CCDC170: variants seen among roughly 807,000 people sequenced by gnomAD.
CCDC170 encodes the protein coiled-coil domain-containing protein 170.
Under a neutral mutation model 72.6 loss-of-function variants are expected in CCDC170, and 69 were observed. That is an observed-to-expected ratio of 0.95 (90% CI 0.78 to 1.16). The LOEUF is 1.16. CCDC170 is among the 50% of genes most tolerant of loss of function. The pLI is 0.00. For synonymous variants in CCDC170, 300 were observed against 303.9 expected, an observed-to-expected ratio of 0.99 and a Z score of 0.13; for missense variants, 852 against 832.5, an observed-to-expected ratio of 1.02 and a Z score of -0.29.
intron 6 of CCDC170, among the ~76,000 whole-genome samples, chr6:151,585,630 A>C (rs1173129767): frequency 6.6e-6 from 1 of 152,364 alleles, no homozygotes; most frequent in East Asian, 1.9e-4. Context: ...TGTTATCCAT[A>C]AATTTTTATT....
intron 5 of CCDC170, among the ~76,000 whole-genome samples, chr6:151,571,732 G>GAA (rs5880932): frequency 1.3e-5 from 2 of 151,236 alleles, no homozygotes; most frequent in East Asian, 3.9e-4. Flanking sequence ...CGTCCCGGGA[G>GAA]AAAAAAAAAT....
At chr6:151,508,888 G>C (rs1583002279) in intron 1 of CCDC170, among the ~76,000 whole-genome samples, 1 of 151,714 alleles carries the variant, frequency 6.6e-6, no homozygotes, top group South Asian at 2.1e-4. Context: ...GGTGGCGAAC[G>C]CCTGTAATCC....
chr6:151,577,533 A>G (rs1329412233), intron 6 of CCDC170, among the ~76,000 whole-genome samples: 2 of 152,156 alleles, frequency 1.3e-5, no homozygotes, highest in Non-Finnish European at 2.9e-5. Context: ...CTTCACCTCT[A>G]TCTGGACATT....
chr6:151,553,732 A>G (rs538445328), intron 5 of CCDC170, among the ~76,000 whole-genome samples: 1 of 142,662 alleles, frequency 7.0e-6, no homozygotes, highest in African/African-American at 2.7e-5. Flanking sequence ...TAAAAATTGT[A>G]AAAAAAAAAA....
At chr6:151,509,917 G>A (rs2115024616) in intron 1 of CCDC170, among the ~76,000 whole-genome samples, 1 of 152,290 alleles carries the variant, frequency 6.6e-6, no homozygotes, top group Non-Finnish European at 1.5e-5. Flanking sequence ...AAGGTCAGGA[G>A]TTCCAGACCA....
chr6:151,567,129 G>A (rs1453569469), intron 5 of CCDC170, among the ~76,000 whole-genome samples: 2 of 152,100 alleles, frequency 1.3e-5, no homozygotes, highest in African/African-American at 4.8e-5. Context: ...ATGTTGGTCA[G>A]GCTGATCTTG....
intron 2 of CCDC170, 33 bp from the exon 3 acceptor site, chr6:151,538,012 T>G (rs1256714641): frequency 5.7e-6 from 2 of 350,108 alleles, no homozygotes; most frequent in Non-Finnish European, 8.2e-6. Flanking sequence ...GTTGTTAAGG[T>G]TTTTTTTTTT....
At chr6:151,614,644 T>TG (rs1477972455) in intron 9 of CCDC170, among the ~76,000 whole-genome samples, 5 of 151,434 alleles carry the variant, frequency 3.3e-5, no homozygotes, top group Non-Finnish European at 7.4e-5. Flanking sequence ...TTTTTTTTTT[T>TG]TTGTTAGTAG....
chr6:151,600,105 A>C (rs1338408448), intron 9 of CCDC170, among the ~76,000 whole-genome samples: 1 of 152,224 alleles, frequency 6.6e-6, no homozygotes, highest in Non-Finnish European at 1.5e-5. Flanking sequence ...CTAACTTGTT[A>C]ACACAGTAAG....
At chr6:151,548,641 G>A in intron 5 of CCDC170, 152 bp downstream of exon 5, 1 of 552,426 alleles carries the variant, frequency 1.8e-6, no homozygotes, top group Non-Finnish European at 2.9e-6. Flanking sequence ...AGGAGGGTTG[G>A]GGGTGACATG....
At chr6:151,530,650 C>A (rs1445530950) in intron 1 of CCDC170, among the ~76,000 whole-genome samples, 2 of 152,028 alleles carry the variant, frequency 1.3e-5, no homozygotes, top group Non-Finnish European at 2.9e-5. Context: ...CCATGTTGGT[C>A]AGGCTGGTCT....
At chr6:151,554,827 C>T (rs910643123) in intron 5 of CCDC170, among the ~76,000 whole-genome samples, 29 of 149,740 alleles carry the variant, frequency 1.9e-4, no homozygotes, top group Middle Eastern at 3.6e-3. Context: ...CAGAATCATT[C>T]GGCTATGTGA....
chr6:151,608,291 C>A (rs1468814866), intron 9 of CCDC170, among the ~76,000 whole-genome samples: 1 of 151,926 alleles, frequency 6.6e-6, no homozygotes, highest in Non-Finnish European at 1.5e-5. Flanking sequence ...GATTTGAATT[C>A]TTTGTCAAGC....
chr6:151,523,473 G>C (rs1373004743), intron 1 of CCDC170, among the ~76,000 whole-genome samples: 1 of 151,948 alleles, frequency 6.6e-6, no homozygotes, highest in African/African-American at 2.4e-5. Context: ...ATCACTTGAG[G>C]CCAGGAGTTT....
rs551264428 is a variant in CCDC170 at position 151,573,713 on chromosome 6, G to A, written c.1092+222G>A. Among the ~76,000 whole-genome samples the A allele has an allele frequency of 3.5e-4, 53 of 152,314 alleles. No homozygotes were observed. In the East Asian group the frequency reaches 4.8e-3, roughly 14 times the overall value. ...AAGGAGGAGCAAAGGCACATCTTAC[G>A]TGGTGGCAGGCAAGAGAGAGAGTGT... is the stretch of plus-strand genomic sequence containing the variant. On this transcript the variant is annotated intron_variant, in intron 6 of 10. Transcript: ENST00000239374.
At chr6:151,597,219 G>A (rs1056594586) in intron 9 of CCDC170, among the ~76,000 whole-genome samples, 2 of 152,148 alleles carry the variant, frequency 1.3e-5, no homozygotes, top group African/African-American at 2.4e-5. Flanking sequence ...AACTCTGCCT[G>A]GGTTCAAGTG....
At chr6:151,593,887 G>A (rs6922484) in intron 8 of CCDC170, among the ~76,000 whole-genome samples, 1 of 152,054 alleles carries the variant, frequency 6.6e-6, no homozygotes, top group African/African-American at 2.4e-5. Flanking sequence ...GCAAATGTAG[G>A]CTTTACTCTG....
chr6:151,514,800 G>T (rs542166143), intron 1 of CCDC170, among the ~76,000 whole-genome samples: 1 of 152,316 alleles, frequency 6.6e-6, no homozygotes, highest in South Asian at 2.1e-4. Flanking sequence ...TGAGTCGGAA[G>T]GGAGAGCAGT....
At chr6:151,583,562 A>T (rs1776409241) in intron 6 of CCDC170, among the ~76,000 whole-genome samples, 1 of 151,900 alleles carries the variant, frequency 6.6e-6, no homozygotes, top group South Asian at 2.1e-4. Flanking sequence ...GGTTCAGGTG[A>T]TTCTCCTGCC....
Sources: allele counts gnomAD v4.1 joint callset (sites outside exome capture counted in the v4.1 genomes callset), GRCh38; gene constraint gnomAD v4.1.1; transcripts MANE v1.5; gene names NCBI Gene and HGNC (gene_info 2026-07-23, HGNC 2026-07-21).